HMCES: variants seen among roughly 807,000 people sequenced by gnomAD.
HMCES encodes the protein 5-hydroxymethylcytosine binding, ES cell specific.
HMCES carries 27 observed loss-of-function variants against 35.1 expected under a neutral mutation model. The ratio of observed to expected loss-of-function variants is 0.77; its 90% confidence interval spans 0.57 to 1.06. The LOEUF is 1.06. Ranked by LOEUF, HMCES falls within the 50% of genes least tolerant of loss-of-function variation. The pLI is 0.00. For missense variants in HMCES, 391 were observed against 430.4 expected, an observed-to-expected ratio of 0.91 and a Z score of 0.81; for synonymous variants, 130 against 154.7, an observed-to-expected ratio of 0.84 and a Z score of 1.18.
chr3:129,287,972 G>A (rs1363560515), intron 2 of HMCES, among the ~76,000 whole-genome samples: 3 of 152,060 alleles, frequency 2.0e-5, no homozygotes, highest in East Asian at 1.9e-4. Context: ...TAGGAGAATC[G>A]CTTAAACCCA....
intron 4 of HMCES, among the ~76,000 whole-genome samples, chr3:129,295,015 C>T (rs1282935660): frequency 1.3e-5 from 2 of 151,872 alleles, no homozygotes; most frequent in Non-Finnish European, 1.5e-5. Context: ...AAAAATTAGC[C>T]GGGCGTGGTG....
intron 2 of HMCES, among the ~76,000 whole-genome samples, chr3:129,288,066 T>C (rs562653856): frequency 2.9e-5 from 4 of 136,968 alleles, no homozygotes; most frequent in African/African-American, 1.1e-4. Flanking sequence ...CAAAAAAAAA[T>C]AAAAATAAAA....
chr3:129,301,698 A>G (rs1046211680), intron 5 of HMCES, among the ~76,000 whole-genome samples: 10 of 152,308 alleles, frequency 6.6e-5, no homozygotes, highest in Admixed American at 1.3e-4. Context: ...TGGACACTGG[A>G]GTACACTAGA....
rs1407650423 is a variant in HMCES, at chr3:129,284,001, C to T, written c.183+4086C>T. ...TTCTCACAAACACACACAAACAGTC[C>T]TCATTATTCTTAGATTCCATATTTC... On this transcript the variant is annotated intron_variant, in intron 2 of 6. Coordinates refer to ENST00000383463, the MANE Select transcript of HMCES (RefSeq NM_020187.3). Among the ~76,000 whole-genome samples, 7 of 152,140 alleles carry T rather than the reference C, an allele frequency of 4.6e-5. No homozygotes were observed. In the East Asian group the frequency reaches 1.3e-3, roughly 29 times the overall value.
At chr3:129,289,523 C>A (rs1210358475) in intron 3 of HMCES, among the ~76,000 whole-genome samples, 1 of 152,094 alleles carries the variant, frequency 6.6e-6, no homozygotes, top group African/African-American at 2.4e-5. Context: ...ATGCTGTATT[C>A]TTTTATTGTT....
intron 2 of HMCES, among the ~76,000 whole-genome samples, chr3:129,284,858 G>A (rs1204353458): frequency 2.0e-5 from 3 of 152,230 alleles, no homozygotes; most frequent in African/African-American, 4.8e-5. Flanking sequence ...GTTGCATTGA[G>A]CTGAGATCGT....
rs1341021758 is a variant in HMCES at position 129,279,882 on chromosome 3, C to A, written c.150C>A (p.Ser50Arg). Reference protein sequence around the residue: ...PSYNKSPQSNSPVLLSRLHFE... With the variant: ...PSYNKSPQSNRPVLLSRLHFE... ...ACAACAAGAGTCCTCAATCCAACAG[C>A]CCAGTGCTTCTGTCTCGACTGCACT... Residue 50 changes from serine to arginine, a missense_variant, in exon 2 of 7, where the codon AGC becomes AGA. Physicochemically the swap from Ser to Arg is moderately radical, Grantham distance 110. Coordinates refer to ENST00000383463, the MANE Select transcript of HMCES (RefSeq NM_020187.3). This position sits in a 1 kb window ranked among gnomAD's most constrained non-coding sequence, Gnocchi z 4.2. 5 of 1,605,790 alleles carry A rather than the reference C, an allele frequency of 3.1e-6. No individual in the cohort carries two copies. The highest frequency in any genetic ancestry group is 4.2e-6 in the Non-Finnish European group (5 of 1,176,792).
At chr3:129,283,174 T>TG (rs1302896323) in intron 2 of HMCES, among the ~76,000 whole-genome samples, 2 of 152,012 alleles carry the variant, frequency 1.3e-5, no homozygotes, top group African/African-American at 4.8e-5. Flanking sequence ...CTCTGGATGG[T>TG]GGGGAGGGGT....
intron 3 of HMCES, 148 bp downstream of exon 3, chr3:129,289,145 G>C (rs1940727578): frequency 1.7e-6 from 1 of 602,612 alleles, no homozygotes; most frequent in African/African-American, 1.9e-5. Context: ...ATGCTATTTT[G>C]TTACTACATA....
At position 129,297,247 on chromosome 3, in the gene HMCES, C is replaced by T. The variant is rs150985802; in HGVS notation, c.454-1107C>T. Among the ~76,000 whole-genome samples the T allele has an allele frequency of 8.1e-3, 1,226 of 152,028 alleles. 10 individuals are homozygous for T. The highest frequency in any genetic ancestry group is 0.039 in the South Asian group (190 of 4,824). On this transcript the variant is annotated intron_variant, in intron 4 of 6. Transcript: ENST00000383463. Reference sequence around the variant, plus strand: ...CTTCTGCTTGTCACTTAATGTTTGTCGGCTAAACGGGTGGAGGCAGTTCTC... The same window carrying T: ...CTTCTGCTTGTCACTTAATGTTTGTTGGCTAAACGGGTGGAGGCAGTTCTC...
intron 4 of HMCES, among the ~76,000 whole-genome samples, chr3:129,293,146 A>C (rs768388428): frequency 6.6e-6 from 1 of 152,218 alleles, no homozygotes; most frequent in African/African-American, 2.4e-5. Flanking sequence ...TCACTGTTTC[A>C]GCAAGTTATT....
At position 129,290,752 on chromosome 3, in the gene HMCES, C is replaced by A. The variant is rs780806447; in HGVS notation, c.401C>A (p.Thr134Lys). The change falls in exon 4 of 7, where the codon ACA becomes AAA. Residue 134 changes from threonine (T) to lysine (K), a missense_variant. Thr to Lys is a moderately conservative substitution (Grantham distance 78). Transcript: ENST00000383463. ...GFYEWQRCQG[T>K]NQRQPYFIYF... ...TATGAGTGGCAGCGATGTCAGGGAA[C>A]AAACCAGAGGCAGCCATACTTCATC... 6.2e-7 allele frequency: 1 copy of A among 1,613,528 alleles called. No individual in the cohort carries two copies. Among genetic ancestry groups the A allele is most frequent in the East Asian group, 2.2e-5 (1 of 44,866 alleles).
chr3:129,282,087 C>G (rs774584255), intron 2 of HMCES, among the ~76,000 whole-genome samples: 3 of 151,630 alleles, frequency 2.0e-5, no homozygotes, highest in Admixed American at 6.6e-5. Flanking sequence ...TCTGGAGAAC[C>G]TTGAAGGGGA....
At position 129,304,596 on chromosome 3, in the gene HMCES, G is replaced by A. The variant is rs2107701993; in HGVS notation, c.836G>A (p.Arg279Lys). ...TTTTCCTCTTTCTTGTAGGAGCTCA[G>A]GGCAAGTGGCAGTAGCCAGAGGATG... ...PVDLVVKKEL[R>K]ASGSSQRMLQ... Residue 279 changes from arginine to lysine, a missense_variant, in exon 7 of 7, where the codon AGG becomes AAG. Arg to Lys is a conservative substitution (Grantham distance 26). Transcript: ENST00000383463. 6.2e-7 allele frequency: 1 copy of A among 1,614,074 alleles called. No individual in the cohort carries two copies. The highest frequency in any genetic ancestry group is 1.3e-5 in the African/African-American group (1 of 75,040).
chr3:129,302,262 A>G, intron 6 of HMCES, 120 bp downstream of exon 6: 1 of 835,646 alleles, frequency 1.2e-6, no homozygotes, highest in Non-Finnish European at 1.8e-6. Flanking sequence ...AAAAGCTCTC[A>G]TACTCCTTGT....
chr3:129,293,666 G>A (rs2071052525), intron 4 of HMCES, among the ~76,000 whole-genome samples: 1 of 149,078 alleles, frequency 6.7e-6, no homozygotes, highest in South Asian at 2.1e-4. Context: ...CACCTCCTGG[G>A]TTCAAGCAAT....
chr3:129,304,578 CT>C lies in HMCES; in HGVS notation c.829-8del. 6.2e-7 allele frequency: 1 copy of C among 1,611,428 alleles called. No homozygotes were observed. Among genetic ancestry groups the C allele is most frequent in the Non-Finnish European group, 8.5e-7 (1 of 1,178,022 alleles). On this transcript the variant is annotated splice_polypyrimidine_tract_variant and intron_variant, in intron 6 of 6. Coordinates refer to ENST00000383463, the MANE Select transcript of HMCES (RefSeq NM_020187.3). ...AGCTGTATGGTTTGAGCTTTTTCCT[CT>C]TTCTTGTAGGAGCTCAGGGCAAGTG... is the stretch of plus-strand genomic sequence containing the variant.
At chr3:129,284,134 G>T (rs930460571) in intron 2 of HMCES, among the ~76,000 whole-genome samples, 1 of 152,200 alleles carries the variant, frequency 6.6e-6, no homozygotes, top group Admixed American at 6.5e-5. Context: ...TGAGTACCTT[G>T]ATGTTTCCAG....
At chr3:129,293,632 G>A (rs1196032960) in intron 4 of HMCES, among the ~76,000 whole-genome samples, 1 of 136,188 alleles carries the variant, frequency 7.3e-6, no homozygotes, top group Admixed American at 8.0e-5. Flanking sequence ...GTGCAATGGT[G>A]TGGTCTTAGC....
Sources: allele counts gnomAD v4.1 joint callset (sites outside exome capture counted in the v4.1 genomes callset), GRCh38; gene constraint gnomAD v4.1.1; non-coding constraint Gnocchi (gnomAD v3.1); transcripts MANE v1.5; gene names NCBI Gene and HGNC (gene_info 2026-07-23, HGNC 2026-07-21).